The following CCDC127 variants were observed in gnomAD, a reference collection of about 807,000 sequenced individuals.
CCDC127 encodes coiled-coil domain containing 127.
CCDC127 carries 2 observed loss-of-function variants against 4.1 expected under a neutral mutation model. That is an observed-to-expected ratio of 0.49 (90% CI 0.20 to 1.53). The LOEUF (loss-of-function observed/expected upper bound fraction) is 1.53. Among genes scored for constraint, CCDC127 ranks in the 40% most tolerant of loss-of-function variants. The pLI, the probability that CCDC127 is intolerant of heterozygous loss-of-function variation, is 0.23. For synonymous variants in CCDC127, 98 were observed against 120.4 expected, an observed-to-expected ratio of 0.81 and a Z score of 1.22; for missense variants, 271 against 322.9, an observed-to-expected ratio of 0.84 and a Z score of 1.23.
rs553975876 is a variant in CCDC127 at position 198,091 on chromosome 5, T to C, written c.*7206A>G. ...TAGGGGTTTGCCTGGGTTGTAGGGG[T>C]TGGGTACCCAGCATGAGTGCCGTAC... On this transcript the variant is annotated 3_prime_UTR_variant, in exon 3 of 3. Coordinates refer to ENST00000296824, the MANE Select transcript of CCDC127 (RefSeq NM_145265.3). The C allele has an allele frequency of 2.6e-5, 4 of 152,176 alleles. No homozygotes were observed. Among genetic ancestry groups the C allele is most frequent in the Admixed American group, 6.5e-5 (1 of 15,282 alleles). 9.4% of individuals were successfully genotyped at this position (152,176 alleles called of 1,614,324 possible).
In CCDC127 at chr5:201,743, G is replaced by A. The variant is rs189102425; in HGVS notation, c.*3554C>T. The A allele has an allele frequency of 6.6e-6, 1 of 152,138 alleles. No homozygotes were observed. The highest frequency in any genetic ancestry group is 1.5e-5 in the Non-Finnish European group (1 of 68,038). 9.4% of individuals were successfully genotyped at this position (152,138 alleles called of 1,614,324 possible). A position where few individuals can be genotyped will look rare whatever the true frequency, so the allele number is the denominator to read the frequency against. ...TTCCAAAGTCAAGTCTGAAGCAAGC[G>A]AAATTAGAAAGTACAATCTCAACCC... On this transcript the variant is annotated 3_prime_UTR_variant, in exon 3 of 3. Transcript: ENST00000296824.
intron 2 of CCDC127, among the ~76,000 whole-genome samples, chr5:208,342 A>G (rs961934580): frequency 1.3e-5 from 2 of 152,210 alleles, no homozygotes; most frequent in Non-Finnish European, 1.5e-5. Context: ...AGCTGAAGAC[A>G]CAGTCAATTG....
intron 2 of CCDC127, among the ~76,000 whole-genome samples, chr5:207,752 C>T (rs1024827416): frequency 6.6e-6 from 1 of 151,876 alleles, no homozygotes; most frequent in East Asian, 1.9e-4. Flanking sequence ...AAGGAATTAA[C>T]GTGACTTAAG....
In CCDC127 at chr5:205,651, G is replaced by A. The variant is rs1422076053; in HGVS notation, c.429C>T (p.Ser143=). The A allele has an allele frequency of 3.7e-6, 6 of 1,614,046 alleles. No individual in the cohort carries two copies. The Admixed American group carries it at 1.0e-4, about 27-fold the overall frequency. ...QVQPLRSAYL[S]CLQREENWQR... ...GCCAGTTTTCTTCCCTTTGCAGGCA[G>A]CTCAAATACGCACTTCTCAAAGGCT... The change falls in exon 3 of 3, where the codon AGC becomes AGT. Residue 143 remains serine (S), a synonymous_variant. Coordinates refer to ENST00000296824, the MANE Select transcript of CCDC127 (RefSeq NM_145265.3).
At position 205,755 on chromosome 5, in the gene CCDC127, G is replaced by T. The variant is rs569468879; in HGVS notation, c.325C>A (p.Gln109Lys). ...TASYREALIS[Q>K]GRKLVEEKKL... ...TTTTCTTCTACCAACTTGCGTCCCT[G>T]AGAGATAAGGGCTTCTCGGTAACTA... The change falls in exon 3 of 3, where the codon CAG (glutamine) becomes AAG (lysine). Residue 109 changes from glutamine (Q) to lysine (K), a missense_variant. Gln to Lys is a moderately conservative substitution (Grantham distance 53). Coordinates refer to ENST00000296824, the MANE Select transcript of CCDC127 (RefSeq NM_145265.3). 1 of 1,614,122 alleles carries T rather than the reference G, an allele frequency of 6.2e-7. No homozygotes were observed. The highest frequency in any genetic ancestry group is 8.5e-7 in the Non-Finnish European group (1 of 1,180,022).
intron 2 of CCDC127, among the ~76,000 whole-genome samples, chr5:207,982 G>A (rs1734211166): frequency 6.6e-6 from 1 of 152,228 alleles, no homozygotes; most frequent in South Asian, 2.1e-4. Flanking sequence ...GTTTTTGGCT[G>A]GACAGGGAGC....
At position 205,243 on chromosome 5, in the gene CCDC127, G is replaced by C. The variant is rs1384532212; in HGVS notation, c.*54C>G. ...ACGGAAGACGCCGGAGACCCAGAAG[G>C]CGCATGACTGCCTGGCCTCGAGTCA... On this transcript the variant is annotated 3_prime_UTR_variant, in exon 3 of 3. Coordinates refer to ENST00000296824, the MANE Select transcript of CCDC127 (RefSeq NM_145265.3). 6.6e-7 allele frequency: 1 copy of C among 1,513,258 alleles called. No individual in the cohort carries two copies. Among genetic ancestry groups the C allele is most frequent in the African/African-American group, 1.4e-5 (1 of 72,388 alleles). 93.7% of individuals were successfully genotyped at this position (1,513,258 alleles called of 1,614,324 possible).
rs536918960 is a variant in CCDC127, at chr5:197,101, A to T, written c.*8196T>A. On this transcript the variant is annotated 3_prime_UTR_variant, in exon 3 of 3. Coordinates refer to ENST00000296824, the MANE Select transcript of CCDC127 (RefSeq NM_145265.3). Reference sequence around the variant, plus strand: ...AGGTACTATGCCTGGACGTGCACGTAGGCCAGATTTATGTTTCTCTCCACC... The same window carrying T: ...AGGTACTATGCCTGGACGTGCACGTTGGCCAGATTTATGTTTCTCTCCACC... The T allele has an allele frequency of 6.6e-6, 1 of 152,230 alleles. No individual in the cohort carries two copies. Among genetic ancestry groups the T allele is most frequent in the South Asian group, 2.1e-4 (1 of 4,818 alleles). The allele number at this position is 152,230 out of a possible 1,614,324, so 9.4% of individuals were successfully genotyped here.
chr5:196,881 C>G lies in CCDC127; in HGVS notation c.*8416G>C, dbSNP rs9800018. 6.7e-6 allele frequency: 1 copy of G among 149,644 alleles called. No homozygotes were observed. Among genetic ancestry groups the G allele is most frequent in the Non-Finnish European group, 1.5e-5 (1 of 67,228 alleles). 9.3% of individuals were successfully genotyped at this position (149,644 alleles called of 1,614,324 possible). A position where few individuals can be genotyped will look rare whatever the true frequency, so the allele number is the denominator to read the frequency against. ...TAAGACACAAAGTATAGAGAAACAA[C>G]AGTGGGCCCAGGGGACCGGCGCTCA... On this transcript the variant is annotated 3_prime_UTR_variant, in exon 3 of 3. Transcript: ENST00000296824.
intron 2 of CCDC127, among the ~76,000 whole-genome samples, chr5:212,388 T>C (rs368858089): frequency 0.023 from 358 of 15,530 alleles, no homozygotes; most frequent in East Asian, 0.038. Context: ...ACTGCAGCCA[T>C]GACGAGACAG....
rs185419820 is a variant in CCDC127 at position 204,052 on chromosome 5, A to G, written c.*1245T>C. The G allele has an allele frequency of 1.0e-4, 16 of 152,464 alleles. No homozygotes were observed. The highest frequency in any genetic ancestry group is 3.3e-4 in the Admixed American group (5 of 15,306). 9.4% of individuals were successfully genotyped at this position (152,464 alleles called of 1,614,324 possible). A position where few individuals can be genotyped will look rare whatever the true frequency, so the allele number is the denominator to read the frequency against. ...TTCTGGACAAGTGGGGAATTCCCAC[A>G]CAGGCCAGGCAGGGGGTACCACATG... On this transcript the variant is annotated 3_prime_UTR_variant, in exon 3 of 3. Coordinates refer to ENST00000296824, the MANE Select transcript of CCDC127 (RefSeq NM_145265.3).
Position 205,772 on chromosome 5 carries a change from C to T in CCDC127, c.308G>A (p.Arg103Gln), listed in dbSNP as rs373711300. 9 of 1,614,176 alleles carry T rather than the reference C, an allele frequency of 5.6e-6. No homozygotes were observed. The highest frequency in any genetic ancestry group is 3.3e-5 in the South Asian group (3 of 91,074). ...GCGTCCCTGAGAGATAAGGGCTTCT[C>T]GGTAACTAGCAGTTCTGTTTTGTTC... ...EKEQNRTASY[R>Q]EALISQGRKL... Residue 103 changes from arginine to glutamine, a missense_variant, in exon 3 of 3, where the codon CGA becomes CAA. By Grantham distance (43) the Arg-to-Gln change is conservative. Coordinates refer to ENST00000296824, the MANE Select transcript of CCDC127 (RefSeq NM_145265.3).
At chr5:208,030 G>C (rs1217467234) in intron 2 of CCDC127, among the ~76,000 whole-genome samples, 1 of 152,214 alleles carries the variant, frequency 6.6e-6, no homozygotes, top group Non-Finnish European at 1.5e-5. Flanking sequence ...GCAGAGGAAA[G>C]TGTGGCAGGA....
At position 205,901 on chromosome 5, in the gene CCDC127, CG is replaced by C; in HGVS notation, c.178del (p.Arg60ValfsTer18). ...KEVEKEREAY[R>X]RRTAAFQQDL... Reference sequence around the variant, plus strand: ...CTGTTGAAAAGCAGCAGTTCTCCGACGGTAGGCTTCTCTCTCTTTTTCTACT... The same window carrying C: ...CTGTTGAAAAGCAGCAGTTCTCCGACGTAGGCTTCTCTCTCTTTTTCTACT... On this transcript the variant is annotated frameshift_variant, in exon 3 of 3. Transcript: ENST00000296824. LOFTEE classifies it low-confidence loss of function (END_TRUNC). The C allele has an allele frequency of 6.2e-7, 1 of 1,614,134 alleles. No homozygotes were observed. The highest frequency in any genetic ancestry group is 8.5e-7 in the Non-Finnish European group (1 of 1,179,996).
At position 205,302 on chromosome 5, in the gene CCDC127, T is replaced by G; in HGVS notation, c.778A>C (p.Lys260Gln). 1.2e-6 allele frequency: 2 copies of G among 1,601,940 alleles called. No homozygotes were observed. Among genetic ancestry groups the G allele is most frequent in the South Asian group, 2.2e-5 (2 of 90,096 alleles). Reference protein sequence around the residue: ...FKRVEEAILEK With the variant: ...FKRVEEAILEQ Reference sequence around the variant, plus strand: ...AGTTTGATTTCACTCTTGTCTTACTTTTCTAGTATGGCTTCCTCTACTCTC... The same window carrying G: ...AGTTTGATTTCACTCTTGTCTTACTGTTCTAGTATGGCTTCCTCTACTCTC... Residue 260 changes from lysine (K) to glutamine (Q), a missense_variant, in exon 3 of 3, where the codon AAG becomes CAG. Physicochemically the swap from Lys to Gln is moderately conservative, Grantham distance 53. Around this residue, in one of 2 missense-constraint regions of CCDC127, gnomAD observed 265 missense variants for 270.9 expected, o/e 0.98. Transcript: ENST00000296824.
rs879092078 is a variant in CCDC127 at position 205,765 on chromosome 5, G to A, written c.315C>T (p.Ala105=). 1 of 1,614,068 alleles carries A rather than the reference G, an allele frequency of 6.2e-7. No homozygotes were observed. The highest frequency in any genetic ancestry group is 1.1e-5 in the South Asian group (1 of 91,068). Residue 105 remains alanine, a synonymous_variant, in exon 3 of 3, where the codon GCC becomes GCT. Transcript: ENST00000296824. ...CCAACTTGCGTCCCTGAGAGATAAGGGCTTCTCGGTAACTAGCAGTTCTGT... is the reference window on the plus strand; with the variant it reads ...CCAACTTGCGTCCCTGAGAGATAAGAGCTTCTCGGTAACTAGCAGTTCTGT... ...EQNRTASYRE[A]LISQGRKLVE...
chr5:205,648 G>A lies in CCDC127; in HGVS notation c.432C>T (p.Cys144=), dbSNP rs751049023. Reference sequence around the variant, plus strand: ...TTTGCCAGTTTTCTTCCCTTTGCAGGCAGCTCAAATACGCACTTCTCAAAG... The same window carrying A: ...TTTGCCAGTTTTCTTCCCTTTGCAGACAGCTCAAATACGCACTTCTCAAAG... ...VQPLRSAYLS[C]LQREENWQRR... is the part of the protein sequence containing the mutation. The change falls in exon 3 of 3, where the codon TGC becomes TGT. Residue 144 remains cysteine, a synonymous_variant. Coordinates refer to ENST00000296824, the MANE Select transcript of CCDC127 (RefSeq NM_145265.3). 113 of 1,614,028 alleles carry A rather than the reference G, an allele frequency of 7.0e-5. No homozygotes were observed. In the East Asian group the frequency reaches 1.5e-3, roughly 22 times the overall value.
chr5:215,006 G>T (rs957131449), intron 2 of CCDC127: 6 of 151,320 alleles, frequency 4.0e-5, no homozygotes, highest in African/African-American at 1.5e-4. Context: ...CCAGCCTGGC[G>T]ACAGGGCAAG....
Position 197,810 on chromosome 5 carries a change from GTGTGTCCCCACCCCAGTGGTCCC to G in CCDC127, c.*7464_*7486del. 6.7e-6 allele frequency: 1 copy of G among 149,204 alleles called. No homozygotes were observed. The highest frequency in any genetic ancestry group is 1.5e-5 in the Non-Finnish European group (1 of 67,156). The allele number at this position is 149,204 out of a possible 1,614,324, so 9.2% of individuals were successfully genotyped here. On this transcript the variant is annotated 3_prime_UTR_variant, in exon 3 of 3. Coordinates refer to ENST00000296824, the MANE Select transcript of CCDC127 (RefSeq NM_145265.3). ...CTGCCCCGTATCACCCCCTCCCGGAGTGTGTCCCCACCCCAGTGGTCCCTGTGTCACCCCCTCCCCGAGTGTGT... is the reference window on the plus strand; with the variant it reads ...CTGCCCCGTATCACCCCCTCCCGGAGTGTGTCACCCCCTCCCCGAGTGTGT...
Sources: gnomAD v4.1 joint callset for allele counts (sites outside exome capture counted in the v4.1 genomes callset) on GRCh38, gnomAD v4.1.1 for gene constraint, gnomAD v4.1.1 regional missense constraint, MANE v1.5 for transcripts, NCBI Gene and HGNC (gene_info 2026-07-23, HGNC 2026-07-21) for gene names.